Variants in PYHIN1 observed in about 807,000 individuals in gnomAD.
PYHIN1 encodes pyrin and HIN domain-containing protein 1.
Under a neutral mutation model 43.7 loss-of-function variants are expected in PYHIN1, and 32 were observed. The ratio of observed to expected loss-of-function variants is 0.73; its 90% CI spans 0.55 to 0.98. The LOEUF is 0.98. PYHIN1 is among the 50% of genes least tolerant of loss of function. The pLI is 0.00. For missense variants in PYHIN1, 588 were observed against 589.5 expected, an observed-to-expected ratio of 1.00 and a Z score of 0.03; for synonymous variants, 205 against 203.1, an observed-to-expected ratio of 1.01 and a Z score of -0.08.
At chr1:158,984,030 T>G in the PYHIN1 span, among the ~76,000 whole-genome samples, 3 of 45,058 alleles carry the variant, frequency 6.7e-5, no homozygotes, top group Admixed American at 3.9e-4. Context: ...CTTCTCCTGT[T>G]TTTTTTTTTT....
intron 7 of PYHIN1, among the ~76,000 whole-genome samples, chr1:158,973,146 C>G (rs1381357031): frequency 1.3e-5 from 2 of 152,086 alleles, no homozygotes; most frequent in African/African-American, 4.8e-5. Context: ...AAGATCCACA[C>G]TGACCCAGCC....
chr1:158,981,033 G>A (rs1277945544), downstream of PYHIN1, among the ~76,000 whole-genome samples: 2 of 152,066 alleles, frequency 1.3e-5, no homozygotes, highest in African/African-American at 4.8e-5. Flanking sequence ...GACACTTGTG[G>A]AAAATAGAAA....
intron 7 of PYHIN1, among the ~76,000 whole-genome samples, chr1:158,950,054 C>A (rs1649446463): frequency 6.6e-6 from 1 of 152,106 alleles, no homozygotes; most frequent in Non-Finnish European, 1.5e-5. Context: ...TATTGAGAGA[C>A]CCCATTGGGT....
intron 7 of PYHIN1, among the ~76,000 whole-genome samples, chr1:158,964,393 C>T (rs1011760093): frequency 6.6e-6 from 1 of 152,088 alleles, no homozygotes; most frequent in African/African-American, 2.4e-5. Flanking sequence ...TGAGATACTA[C>T]ACAAAAAGAC....
At chr1:158,938,303 C>T in intron 2 of PYHIN1, 94 bp from the exon 3 acceptor site, 1 of 1,350,812 alleles carries the variant, frequency 7.4e-7, no homozygotes. Context: ...CCTGAACCCT[C>T]AAGCAGGAGC....
At position 158,966,867 on chromosome 1, in the gene PYHIN1, T is replaced by A. The variant is rs1215929801; in HGVS notation, c.1360-6780T>A. On this transcript the variant is annotated intron_variant, in intron 7 of 8. Transcript: ENST00000368140. ...GTACTAGAAATCCCGGCCAGAGGAA[T>A]CAGGCAAGATAAAGAAATAAAAGGC... Among the ~76,000 whole-genome samples, 3 of 152,146 alleles carry A rather than the reference T, an allele frequency of 2.0e-5. No homozygotes were observed. The East Asian group carries it at 5.8e-4, about 29-fold the overall frequency.
chr1:158,945,242 G>A lies in PYHIN1; in HGVS notation c.1359+200G>A, dbSNP rs189058297. 42 of 475,498 alleles carry A rather than the reference G, an allele frequency of 8.8e-5. No individual in the cohort carries two copies. In the East Asian group the frequency reaches 9.7e-4, roughly 11 times the overall value. 29.5% of individuals were successfully genotyped at this position (475,498 alleles called of 1,614,324 possible). A position where few individuals can be genotyped will look rare whatever the true frequency, so the allele number is the denominator to read the frequency against. ...TGCTATCTAAAAGATATTTATTTGTGCAACGATTGCTGACCACAAGAGGGC... is the reference window on the plus strand; with the variant it reads ...TGCTATCTAAAAGATATTTATTTGTACAACGATTGCTGACCACAAGAGGGC... On this transcript the variant is annotated intron_variant, in intron 7 of 8. Coordinates refer to ENST00000368140, the MANE Select transcript of PYHIN1 (RefSeq NM_152501.5).
chr1:158,938,313 C>G (rs1181443591), intron 2 of PYHIN1, 84 bp from the exon 3 acceptor site: 25 of 1,441,932 alleles, frequency 1.7e-5, no homozygotes. Flanking sequence ...CAAGCAGGAG[C>G]TAAGAGCAAA....
chr1:158,935,839 C>T (rs377504019), intron 1 of PYHIN1, among the ~76,000 whole-genome samples: 2 of 152,032 alleles, frequency 1.3e-5, no homozygotes, highest in Non-Finnish European at 2.9e-5. Context: ...GGAAGAGCAA[C>T]CAAGCACTTT....
In PYHIN1 at chr1:158,944,776, C is replaced by T. The variant is rs72704920; in HGVS notation, c.1192-99C>T. On this transcript the variant is annotated intron_variant, in intron 6 of 8. Coordinates refer to ENST00000368140, the MANE Select transcript of PYHIN1 (RefSeq NM_152501.5). ...AGGCAATCTTTGAAGGTAATGACAT[C>T]TATTAGAATTTAATAAAGGATGATA... 9.6e-3 allele frequency: 8,529 copies of T among 885,650 alleles called. 57 individuals carry two copies. The highest frequency in any genetic ancestry group is 0.011 in the Non-Finnish European group (7,050 of 628,536). 54.9% of individuals were successfully genotyped at this position (885,650 alleles called of 1,614,324 possible).
intron 5 of PYHIN1, 95 bp from the exon 6 acceptor site, chr1:158,943,695 T>C: frequency 1.2e-6 from 1 of 821,722 alleles, no homozygotes; most frequent in Non-Finnish European, 1.9e-6. Flanking sequence ...GGAGTTGCTG[T>C]CTTGCATCTT....
intron 7 of PYHIN1, among the ~76,000 whole-genome samples, chr1:158,961,175 G>A (rs1268838633): frequency 6.6e-6 from 1 of 152,154 alleles, no homozygotes; most frequent in Non-Finnish European, 1.5e-5. Context: ...ACACAGTCAT[G>A]AGAATGCTAC....
chr1:158,944,731 T>C, intron 6 of PYHIN1, 144 bp from the exon 7 acceptor site: 1 of 513,468 alleles, frequency 1.9e-6, no homozygotes, highest in Non-Finnish European at 3.2e-6. Flanking sequence ...GGCAGTTGCC[T>C]GGAGGAATAC....
chr1:158,950,186 TACA>T (rs1211165166), intron 7 of PYHIN1, among the ~76,000 whole-genome samples: 1 of 152,146 alleles, frequency 6.6e-6, no homozygotes, highest in Non-Finnish European at 1.5e-5. Flanking sequence ...GTTTAGCAGG[TACA>T]GGTTGCAGAC....
chr1:158,938,385 T>C lies in PYHIN1; in HGVS notation c.266-12T>C, dbSNP rs778371600. The stretch of plus-strand genomic sequence containing the variant: ...GCTCTGGGTTTATACATCTTCCTTT[T>C]TTCTGCATTAGTTGCAAATAAAATT... On this transcript the variant is annotated splice_polypyrimidine_tract_variant and intron_variant, in intron 2 of 8. Transcript: ENST00000368140. 2.5e-6 allele frequency: 4 copies of C among 1,613,982 alleles called. No homozygotes were observed. In the African/African-American group the frequency reaches 5.3e-5, roughly 22 times the overall value.
At chr1:158,943,278 G>A (rs1649033023) in intron 5 of PYHIN1, among the ~76,000 whole-genome samples, 1 of 152,222 alleles carries the variant, frequency 6.6e-6, no homozygotes, top group Admixed American at 6.5e-5. Flanking sequence ...AAATTGGAAT[G>A]TTTGAGCTTA....
intron 7 of PYHIN1, among the ~76,000 whole-genome samples, chr1:158,947,335 A>G (rs2101670500): frequency 6.6e-6 from 1 of 152,320 alleles, no homozygotes; most frequent in Middle Eastern, 3.4e-3. Flanking sequence ...AAGGAAGATG[A>G]ATACAAGAAT....
intron 7 of PYHIN1, among the ~76,000 whole-genome samples, chr1:158,959,500 T>G (rs1334911943): frequency 6.6e-6 from 1 of 152,222 alleles, no homozygotes; most frequent in Non-Finnish European, 1.5e-5. Context: ...TGTACCCACT[T>G]TAAGCTATTT....
chr1:158,959,331 G>T (rs368312919), intron 7 of PYHIN1, among the ~76,000 whole-genome samples: 80 of 150,478 alleles, frequency 5.3e-4, no homozygotes, highest in African/African-American at 1.9e-3. Context: ...ATTTAGCAGA[G>T]ACTTAATTGA....
Sources: allele counts gnomAD v4.1 joint callset (sites outside exome capture counted in the v4.1 genomes callset), GRCh38; gene constraint gnomAD v4.1.1; transcripts MANE v1.5; gene names NCBI Gene and HGNC (gene_info 2026-07-23, HGNC 2026-07-21).